C8orf34: variants seen among roughly 807,000 people sequenced by gnomAD.
C8orf34 encodes the protein uncharacterized protein C8orf34.
Under a neutral mutation model 68.3 loss-of-function variants are expected in C8orf34, and 65 were observed. The ratio of observed to expected loss-of-function variants is 0.95; its 90% CI spans 0.78 to 1.17. The LOEUF (loss-of-function observed/expected upper bound fraction) is 1.17, where lower values mean the gene tolerates loss of function less well. C8orf34 is among the 50% of genes most tolerant of loss of function. The pLI is 0.00. For missense variants in C8orf34, 664 were observed against 655.4 expected, an observed-to-expected ratio of 1.01 and a Z score of -0.14; for synonymous variants, 244 against 241.2, an observed-to-expected ratio of 1.01 and a Z score of -0.11.
chr8:68,576,788 T>C (rs1045760967), intron 7 of C8orf34, among the ~76,000 whole-genome samples: 2 of 151,914 alleles, frequency 1.3e-5, no homozygotes, highest in East Asian at 3.9e-4. Flanking sequence ...TAACCATAAC[T>C]TTTTCTTTCC....
At chr8:68,340,660 T>A (rs896088104) in intron 1 of C8orf34, among the ~76,000 whole-genome samples, 7 of 152,164 alleles carry the variant, frequency 4.6e-5, no homozygotes, top group African/African-American at 1.7e-4. Flanking sequence ...AATTTACATT[T>A]TGAAAACTCC....
At chr8:68,428,948 C>T (rs1268455707) in intron 1 of C8orf34, among the ~76,000 whole-genome samples, 2 of 152,042 alleles carry the variant, frequency 1.3e-5, no homozygotes, top group Admixed American at 6.5e-5. Flanking sequence ...ACTTTAGATG[C>T]TTTGCAGACC....
At chr8:68,417,594 C>T (rs1282156012) in intron 1 of C8orf34, among the ~76,000 whole-genome samples, 3 of 152,062 alleles carry the variant, frequency 2.0e-5, no homozygotes, top group African/African-American at 7.2e-5. Flanking sequence ...TTCTTGAACA[C>T]ATTTTTATAA....
chr8:68,436,730 C>T lies in C8orf34; in HGVS notation c.328-2769C>T, dbSNP rs139139663. ...TACTTTTTTCCTATGGTGAATGATT[C>T]CTGTAAAACTTTCTGCAATTGATTT... On this transcript the variant is annotated intron_variant, in intron 1 of 13. Coordinates refer to ENST00000518698, the MANE Select transcript of C8orf34 (RefSeq NM_052958.4). Among the ~76,000 whole-genome samples, 1,161 of 152,200 alleles carry T rather than the reference C, an allele frequency of 7.6e-3. 15 individuals are homozygous for T. Among genetic ancestry groups the T allele is most frequent in the African/African-American group, 0.025 (1,056 of 41,538 alleles).
rs761461070 is a variant in C8orf34, at chr8:68,776,392, C to T, written c.1405-7C>T. On this transcript the variant is annotated splice_region_variant and splice_polypyrimidine_tract_variant and intron_variant, in intron 10 of 13. Transcript: ENST00000518698. ...CCTTTTCAACCTCTCTTCCTCTTTA[C>T]TTCTAGGGAGAAGCCTCCAGTGGAG... 3.1e-6 allele frequency: 5 copies of T among 1,610,332 alleles called. No individual in the cohort carries two copies. In the East Asian group the frequency reaches 8.9e-5, roughly 29 times the overall value.
intron 7 of C8orf34, among the ~76,000 whole-genome samples, chr8:68,606,827 A>G (rs1201965069): frequency 6.6e-6 from 1 of 152,100 alleles, no homozygotes; most frequent in African/African-American, 2.4e-5. Flanking sequence ...CATAGCACTT[A>G]ATTAATCCTT....
At chr8:68,722,580 C>T in intron 10 of C8orf34, among the ~76,000 whole-genome samples, 1 of 151,904 alleles carries the variant, frequency 6.6e-6, no homozygotes, top group Non-Finnish European at 1.5e-5. Context: ...TTTCCCAGAC[C>T]CTATTTAAAA....
At chr8:68,425,072 A>G (rs529668896) in intron 1 of C8orf34, among the ~76,000 whole-genome samples, 3 of 152,322 alleles carry the variant, frequency 2.0e-5, no homozygotes, top group African/African-American at 4.8e-5. Context: ...ATCATTGGAC[A>G]GTACCCAATA....
chr8:68,575,434 C>T (rs567785090), intron 7 of C8orf34, among the ~76,000 whole-genome samples: 38 of 152,108 alleles, frequency 2.5e-4, no homozygotes, highest in Non-Finnish European at 4.4e-4. Flanking sequence ...CACTTCCTGA[C>T]GTATTTGTGT....
chr8:68,665,966 T>A (rs1324310040), intron 8 of C8orf34, among the ~76,000 whole-genome samples: 1 of 152,210 alleles, frequency 6.6e-6, no homozygotes, highest in Non-Finnish European at 1.5e-5. Context: ...ACCAAATCAT[T>A]GAACAAATTA....
intron 1 of C8orf34, among the ~76,000 whole-genome samples, chr8:68,362,719 A>G (rs1383989893): frequency 6.6e-6 from 1 of 152,134 alleles, no homozygotes; most frequent in Non-Finnish European, 1.5e-5. Flanking sequence ...AACAGAAAGG[A>G]CAACCACACC....
At chr8:68,670,842 C>T (rs1819986979) in intron 8 of C8orf34, among the ~76,000 whole-genome samples, 1 of 152,178 alleles carries the variant, frequency 6.6e-6, no homozygotes. Context: ...AGAAAGGAAG[C>T]TTTCACCCTG....
At chr8:68,369,944 G>C (rs1309463212) in intron 1 of C8orf34, among the ~76,000 whole-genome samples, 1 of 152,148 alleles carries the variant, frequency 6.6e-6, no homozygotes, top group Non-Finnish European at 1.5e-5. Context: ...CCCCTCTCAC[G>C]CAGGGAAGCT....
intron 1 of C8orf34, among the ~76,000 whole-genome samples, chr8:68,374,328 AG>A (rs1345697363): frequency 1.3e-5 from 2 of 152,174 alleles, no homozygotes; most frequent in Non-Finnish European, 2.9e-5. Flanking sequence ...AGCTAAGGTA[AG>A]ATGGGAGCTT....
At chr8:68,739,331 C>T (rs898360529) in intron 10 of C8orf34, among the ~76,000 whole-genome samples, 19 of 151,966 alleles carry the variant, frequency 1.3e-4, no homozygotes, top group East Asian at 3.9e-4. Flanking sequence ...CCACAGCCAA[C>T]GTCATACCAA....
intron 10 of C8orf34, among the ~76,000 whole-genome samples, chr8:68,746,137 T>C (rs970049679): frequency 5.9e-5 from 9 of 152,148 alleles, no homozygotes; most frequent in Admixed American, 6.6e-5. Flanking sequence ...GAATGACTAC[T>C]GGGTACATAA....
At chr8:68,389,362 G>T (rs1488867034) in intron 1 of C8orf34, among the ~76,000 whole-genome samples, 1 of 152,076 alleles carries the variant, frequency 6.6e-6, no homozygotes, top group Non-Finnish European at 1.5e-5. Flanking sequence ...GTTAAATGGG[G>T]CATCATATAT....
intron 4 of C8orf34, among the ~76,000 whole-genome samples, chr8:68,480,597 T>C (rs1315006005): frequency 1.1e-4 from 16 of 152,162 alleles, no homozygotes; most frequent in Admixed American, 1.0e-3. Context: ...TTGACAAAAA[T>C]ACCGATAGTG....
rs1806767351 is a variant in C8orf34, at chr8:68,356,791, T to C, written c.327+25452T>C. On this transcript the variant is annotated intron_variant, in intron 1 of 13. Coordinates refer to ENST00000518698, the MANE Select transcript of C8orf34 (RefSeq NM_052958.4). Reference sequence around the variant, plus strand: ...TATATGTAGTATTCTACATGAAATATACTGATAATTTTAGATTGGAAGTTT... The same window carrying C: ...TATATGTAGTATTCTACATGAAATACACTGATAATTTTAGATTGGAAGTTT... 2.6e-5 allele frequency among the ~76,000 whole-genome samples: 4 copies of C among 152,246 alleles called. No homozygotes were observed. The South Asian group carries it at 6.2e-4, about 24-fold the overall frequency.
Sources: allele counts gnomAD v4.1 joint callset (sites outside exome capture counted in the v4.1 genomes callset), GRCh38; gene constraint gnomAD v4.1.1; transcripts MANE v1.5; gene names NCBI Gene and HGNC (gene_info 2026-07-23, HGNC 2026-07-21).